Variants in DMD observed in about 807,000 individuals in gnomAD.
The protein encoded by DMD is dystrophin.
In DMD, 63 loss-of-function variants were observed where a neutral mutation model predicts 330.1. The ratio of observed to expected loss-of-function variants is 0.19; its 90% confidence interval spans 0.16 to 0.24. The LOEUF is 0.24. DMD is among the 10% of genes least tolerant of loss of function. The pLI is 1.00. For synonymous variants in DMD, 1,223 were observed against 959.8 expected, an observed-to-expected ratio of 1.27 and a Z score of -5.07; for missense variants, 3,344 against 2,684.1, an observed-to-expected ratio of 1.25 and a Z score of -5.43.
chrX:31,780,016 G>A (rs1302748432), intron 50 of DMD, among the ~76,000 whole-genome samples: 1 of 111,318 alleles, frequency 9.0e-6, no homozygotes, highest in Non-Finnish European at 1.9e-5. Flanking sequence ...GCTTTAGGAA[G>A]GAACTCTTAT....
chrX:33,060,438 C>A (rs773452065), intron 1 of DMD, among the ~76,000 whole-genome samples: 6 of 111,319 alleles, frequency 5.4e-5, no homozygotes, highest in Non-Finnish European at 9.4e-5. Context: ...GGTTGGGAAG[C>A]CTGAATAAAT....
At chrX:33,166,948 AG>A (rs976838591) in intron 1 of DMD, among the ~76,000 whole-genome samples, 1 of 110,937 alleles carries the variant, frequency 9.0e-6, no homozygotes, top group Non-Finnish European at 1.9e-5. Flanking sequence ...AAGTAGAAAA[AG>A]CACCATCGAT....
At chrX:31,707,235 T>C (rs1259015977) in intron 52 of DMD, among the ~76,000 whole-genome samples, 1 of 110,763 alleles carries the variant, frequency 9.0e-6, no homozygotes, top group African/African-American at 3.3e-5. Context: ...AAAGCTGAAA[T>C]AGCTAATATG....
intron 55 of DMD, among the ~76,000 whole-genome samples, chrX:31,529,137 G>A (rs1202632826): frequency 7.3e-5 from 8 of 109,985 alleles, no homozygotes. Flanking sequence ...CAGGAGAATC[G>A]CTTGAACCCG....
chrX:33,338,480 T>TAAATAAATA (rs1555910267), intron 1 of DMD, among the ~76,000 whole-genome samples: 2 of 109,279 alleles, frequency 1.8e-5, no homozygotes, highest in African/African-American at 6.7e-5. Context: ...AATAAATAAA[T>TAAATAAATA]AAATAAATAA....
intron 2 of DMD, among the ~76,000 whole-genome samples, chrX:32,899,264 T>C (rs2086006639): frequency 8.9e-6 from 1 of 112,310 alleles, no homozygotes; most frequent in Non-Finnish European, 1.9e-5. Flanking sequence ...TTTCAGGTCC[T>C]TGCAGGTATT....
chrX:32,454,859 C>G, intron 25 of DMD, 27 bp from the exon 26 acceptor site: 1 of 1,195,694 alleles, frequency 8.4e-7, no homozygotes, highest in South Asian at 1.8e-5. Flanking sequence ...AAACAAAACA[C>G]GATTATTGAC....
At chrX:31,784,384 T>C (rs1252213342) in intron 50 of DMD, among the ~76,000 whole-genome samples, 2 of 111,882 alleles carry the variant, frequency 1.8e-5, no homozygotes, top group African/African-American at 6.5e-5. Context: ...GAAACACTTC[T>C]GCATTGTTGG....
At chrX:32,545,585 A>G (rs937772937) in intron 16 of DMD, among the ~76,000 whole-genome samples, 1 of 111,600 alleles carries the variant, frequency 9.0e-6, no homozygotes, top group African/African-American at 3.3e-5. Context: ...TATTGGTCAA[A>G]CTGTAGGAAA....
Position 31,434,454 on chromosome X carries a change from A to G in DMD, c.9084+10027T>C, listed in dbSNP as rs1340609488. 7.5e-3 allele frequency among the ~76,000 whole-genome samples: 777 copies of G among 103,941 alleles called. 7 individuals are homozygous for G. Among genetic ancestry groups the G allele is most frequent in the African/African-American group, 0.025 (714 of 28,526 alleles). 90.3% of individuals were successfully genotyped at this position (103,941 alleles called of 115,157 possible). A position where few individuals can be genotyped will look rare whatever the true frequency, so the allele number is the denominator to read the frequency against. ...CACACACACACACACACACACACAC[A>G]CACACACACACACACACACATTTAG... On this transcript the variant is annotated intron_variant, in intron 60 of 78. Transcript: ENST00000357033.
Position 31,559,369 on chromosome X carries a change from G to A in DMD, c.8218-51916C>T, listed in dbSNP as rs1207273018. ...CCATAAGACTTCTTGGCTGCCGGGCGCGGTGGCTCACGCCTGTAATCCCAG... is the reference window on the plus strand; with the variant it reads ...CCATAAGACTTCTTGGCTGCCGGGCACGGTGGCTCACGCCTGTAATCCCAG... On this transcript the variant is annotated intron_variant, in intron 55 of 78. Transcript: ENST00000357033. Among the ~76,000 whole-genome samples, 9 of 76,722 alleles carry A rather than the reference G, an allele frequency of 1.2e-4. 1 individual carries two copies. Among genetic ancestry groups the A allele is most frequent in the Admixed American group, 3.1e-4 (2 of 6,405 alleles). 66.6% of individuals were successfully genotyped at this position (76,722 alleles called of 115,157 possible).
intron 2 of DMD, among the ~76,000 whole-genome samples, chrX:32,994,861 C>A (rs1251479992): frequency 8.9e-6 from 1 of 112,530 alleles, no homozygotes; most frequent in African/African-American, 3.2e-5. Flanking sequence ...GTGGCTCACG[C>A]CAGCACTTTG....
rs2094529187 is a variant in DMD, at chrX:31,910,139, GA to G, written c.6912+19456del. Among the ~76,000 whole-genome samples the G allele has an allele frequency of 3.6e-5, 4 of 112,526 alleles. 1 individual carries two copies. The highest frequency in any genetic ancestry group is 1.3e-4 in the African/African-American group (4 of 31,006). ...TCAAAGGCACACAAAAAGATAGAAT[GA>G]AATGTCTCTCTTTTCTTAAATATGT... On this transcript the variant is annotated intron_variant, in intron 47 of 78. Coordinates refer to ENST00000357033, the MANE Select transcript of DMD (RefSeq NM_004006.3).
intron 55 of DMD, among the ~76,000 whole-genome samples, chrX:31,568,802 TTC>T (rs1381199873): frequency 9.0e-6 from 1 of 111,408 alleles, no homozygotes; most frequent in Non-Finnish European, 1.9e-5. Flanking sequence ...CTTATTTGGT[TTC>T]TGTTTGTTTT....
At chrX:33,085,099 A>G (rs2094985336) in intron 1 of DMD, among the ~76,000 whole-genome samples, 1 of 111,511 alleles carries the variant, frequency 9.0e-6, no homozygotes, top group Admixed American at 9.6e-5. Context: ...AAACTAAGAT[A>G]GGCTTTCAGA....
chrX:32,958,007 T>C (rs900201006), intron 2 of DMD, among the ~76,000 whole-genome samples: 1 of 112,250 alleles, frequency 8.9e-6, no homozygotes, highest in Non-Finnish European at 1.9e-5. Context: ...AATTTTGTTT[T>C]ATAAAAATAA....
chrX:31,958,002 A>T (rs1022039927), intron 45 of DMD, among the ~76,000 whole-genome samples: 1 of 111,022 alleles, frequency 9.0e-6, no homozygotes, highest in Non-Finnish European at 1.9e-5. Context: ...AGTGTTTCTA[A>T]TTATAAAATG....
rs1022475091 is a variant in DMD, at chrX:31,149,366, T to C, written c.10554-1848A>G. Among the ~76,000 whole-genome samples, 26 of 112,385 alleles carry C rather than the reference T, an allele frequency of 2.3e-4. No individual in the cohort carries two copies. The Admixed American group carries it at 2.3e-3, about 10-fold the overall frequency. ...TCCCACACTCCAGCTTTAAATCAAT[T>C]GATGTCTGATAGGCCTTCTCAGCCC... On this transcript the variant is annotated intron_variant, in intron 74 of 78. Transcript: ENST00000357033.
At chrX:32,571,003 T>G (rs2052354954) in intron 15 of DMD, among the ~76,000 whole-genome samples, 1 of 111,930 alleles carries the variant, frequency 8.9e-6, no homozygotes. Flanking sequence ...TCATCTCAGA[T>G]GCTTTGCTAT....
Sources: allele counts gnomAD v4.1 joint callset (sites outside exome capture counted in the v4.1 genomes callset), GRCh38; gene constraint gnomAD v4.1.1; transcripts MANE v1.5; gene names NCBI Gene and HGNC (gene_info 2026-07-23, HGNC 2026-07-21).